CAB39L: variants seen among roughly 807,000 people sequenced by gnomAD.
The protein encoded by CAB39L is calcium binding protein 39 like.
CAB39L carries 23 observed loss-of-function variants against 39.1 expected under a neutral mutation model. The observed-to-expected ratio is 0.59, with a 90% CI of 0.42 to 0.83. The LOEUF is 0.83. CAB39L is among the 40% of genes least tolerant of loss of function. The pLI, the probability that CAB39L is intolerant of heterozygous loss-of-function variation, is 0.00. For synonymous variants in CAB39L, 126 were observed against 137.2 expected (o/e 0.92, Z 0.57); for missense variants, 366 against 391.9 (o/e 0.93, Z 0.56).
At chr13:49,392,200 T>C (rs1338684682) in intron 3 of CAB39L, among the ~76,000 whole-genome samples, 6 of 152,140 alleles carry the variant, frequency 3.9e-5, no homozygotes, top group Non-Finnish European at 8.8e-5. Context: ...GTGTATGTAA[T>C]AGACATAATC....
chr13:49,350,884 A>C lies in CAB39L; in HGVS notation c.424T>G (p.Cys142Gly), dbSNP rs781092536. The C allele has an allele frequency of 3.1e-6, 5 of 1,601,352 alleles. No homozygotes were observed. The South Asian group carries it at 5.7e-5, about 18-fold the overall frequency. ...GYEAPQIALR[C>G]GIMLRECIRH... ...ATACATTCTCTCAGCATAATCCCAC[A>C]ACGTAAGGCAATCTGTGGGGCTTCA... The change falls in exon 7 of 11, where the codon TGT becomes GGT. Residue 142 changes from cysteine (C) to glycine (G), a missense_variant. By Grantham distance (159) the Cys-to-Gly change is radical (BLOSUM62 -3). Transcript: ENST00000409308.
chr13:49,432,177 C>T (rs1031904004), intron 3 of CAB39L, among the ~76,000 whole-genome samples: 6 of 152,046 alleles, frequency 3.9e-5, no homozygotes, highest in African/African-American at 1.4e-4. Flanking sequence ...GACATACATA[C>T]AAGCTCTTGA....
chr13:49,438,766 G>A (rs935905904), intron 1 of CAB39L, among the ~76,000 whole-genome samples: 2 of 152,162 alleles, frequency 1.3e-5, no homozygotes, highest in African/African-American at 4.8e-5. Context: ...GTTAACTGTT[G>A]TGGGTTGATT....
intron 5 of CAB39L, among the ~76,000 whole-genome samples, chr13:49,365,786 T>C (rs1955753894): frequency 6.6e-6 from 1 of 152,208 alleles, no homozygotes; most frequent in Admixed American, 6.5e-5. Context: ...TTAGCAATCC[T>C]ACTCTTAGGT....
chr13:49,441,008 G>C (rs1957508284), intron 1 of CAB39L, among the ~76,000 whole-genome samples: 1 of 151,750 alleles, frequency 6.6e-6, no homozygotes, highest in Non-Finnish European at 1.5e-5. Context: ...GCTCTGGCTA[G>C]AACTTCCTAC....
chr13:49,407,627 C>T lies in CAB39L; in HGVS notation c.-31-24686G>A, dbSNP rs17072868. Among the ~76,000 whole-genome samples the T allele has an allele frequency of 3.1e-3, 471 of 151,912 alleles. 7 individuals carry two copies. Among genetic ancestry groups the T allele is most frequent in the East Asian group, 0.031 (160 of 5,176 alleles). On this transcript the variant is annotated intron_variant, in intron 3 of 10. Transcript: ENST00000409308. ...TAAGTGCCACCTCCACAATTTAGTG[C>T]TATATTTTGAATTAAATAATATTAA...
intron 10 of CAB39L, among the ~76,000 whole-genome samples, chr13:49,326,923 A>G (rs924676365): frequency 6.6e-5 from 10 of 152,214 alleles, no homozygotes; most frequent in African/African-American, 2.4e-4. Context: ...GAGCTGAATG[A>G]TATGATACAC....
chr13:49,436,541 C>A (rs924138038), intron 1 of CAB39L, among the ~76,000 whole-genome samples: 5 of 117,470 alleles, frequency 4.3e-5, no homozygotes, highest in African/African-American at 1.5e-4. Flanking sequence ...AGCTTCATTT[C>A]TTTCTTTATG....
chr13:49,327,741 CA>C (rs1173092707), intron 10 of CAB39L, among the ~76,000 whole-genome samples: 1 of 152,190 alleles, frequency 6.6e-6, no homozygotes, highest in Non-Finnish European at 1.5e-5. Context: ...TAAGATTAGG[CA>C]AAGCGATCCA....
At chr13:49,334,233 C>T (rs998910407) in intron 9 of CAB39L, among the ~76,000 whole-genome samples, 7 of 152,344 alleles carry the variant, frequency 4.6e-5, no homozygotes, top group East Asian at 1.9e-4. Flanking sequence ...CCATTCTGCA[C>T]ATTTTGTCAA....
At chr13:49,438,968 G>A (rs1282980273) in intron 1 of CAB39L, among the ~76,000 whole-genome samples, 1 of 152,140 alleles carries the variant, frequency 6.6e-6, no homozygotes, top group Non-Finnish European at 1.5e-5. Flanking sequence ...AGTATATTCA[G>A]TGTTACATAA....
intron 4 of CAB39L, among the ~76,000 whole-genome samples, chr13:49,379,572 G>T (rs1956208454): frequency 2.1e-5 from 1 of 47,872 alleles, no homozygotes; most frequent in African/African-American, 1.5e-4. Context: ...AGGCCGCAGG[G>T]TCCTCTGCCT....
chr13:49,396,876 T>TACATATGTCATGTATTG lies in CAB39L; in HGVS notation c.-31-13936_-31-13935insCAATACATGACATATGT, dbSNP rs1956646640. Among the ~76,000 whole-genome samples, 2 of 152,168 alleles carry TACATATGTCATGTATTG rather than the reference T, an allele frequency of 1.3e-5. 1 individual carries two copies. Among genetic ancestry groups the TACATATGTCATGTATTG allele is most frequent in the South Asian group, 4.1e-4 (2 of 4,832 alleles). On this transcript the variant is annotated intron_variant, in intron 3 of 10. Transcript: ENST00000409308. Reference sequence around the variant, plus strand: ...ATGGGATGGAGGTTACATGAGTACATACATATGTCAATACTAATTGAACCA... The same window carrying TACATATGTCATGTATTG: ...ATGGGATGGAGGTTACATGAGTACATACATATGTCATGTATTGACATATGTCAATACTAATTGAACCA...
intron 6 of CAB39L, among the ~76,000 whole-genome samples, chr13:49,355,144 G>A (rs1955450806): frequency 6.6e-6 from 1 of 151,992 alleles, no homozygotes; most frequent in Admixed American, 6.6e-5. Flanking sequence ...GGGAGGCCAA[G>A]GCAGGAGGAT....
At chr13:49,382,762 A>G (rs1450172374) in intron 4 of CAB39L, 38 bp downstream of exon 4, 2 of 1,293,436 alleles carry the variant, frequency 1.5e-6, no homozygotes, top group Non-Finnish European at 2.2e-6. Flanking sequence ...ATTGCGATGC[A>G]TGTACTTTAA....
At chr13:49,356,244 C>T (rs1044512809) in intron 6 of CAB39L, among the ~76,000 whole-genome samples, 1 of 151,998 alleles carries the variant, frequency 6.6e-6, no homozygotes, top group Non-Finnish European at 1.5e-5. Context: ...AAAATAACTG[C>T]CAAAATGAAA....
At chr13:49,400,835 C>T (rs982275744) in intron 3 of CAB39L, among the ~76,000 whole-genome samples, 4 of 152,050 alleles carry the variant, frequency 2.6e-5, no homozygotes, top group Non-Finnish European at 4.4e-5. Context: ...TACTGTACTG[C>T]CACTATTTTA....
chr13:49,359,631 C>A, intron 6 of CAB39L, 83 bp downstream of exon 6: 2 of 703,730 alleles, frequency 2.8e-6, no homozygotes, highest in South Asian at 1.9e-5. Flanking sequence ...GGGAACTCAT[C>A]ATATCTCAAA....
In CAB39L at chr13:49,414,489, G is replaced by A. The variant is rs143068086; in HGVS notation, c.-32+18829C>T. Among the ~76,000 whole-genome samples, 674 of 152,184 alleles carry A rather than the reference G, an allele frequency of 4.4e-3. 5 individuals are homozygous for A. Among genetic ancestry groups the A allele is most frequent in the African/African-American group, 0.015 (619 of 41,524 alleles). On this transcript the variant is annotated intron_variant, in intron 3 of 10. Transcript: ENST00000409308. The stretch of plus-strand genomic sequence containing the variant: ...TGTTATTTACAAAGGAAAGCCAAGA[G>A]TATCTACAAAAGGGAAACAGTTGAA...
Sources: allele counts gnomAD v4.1 joint callset (sites outside exome capture counted in the v4.1 genomes callset), GRCh38; gene constraint gnomAD v4.1.1; transcripts MANE v1.5; gene names NCBI Gene and HGNC (gene_info 2026-07-23, HGNC 2026-07-21).